The following ANKRD11 variants were observed in gnomAD, a reference collection of about 807,000 sequenced individuals.
ANKRD11 encodes ankyrin repeat domain 11.
A neutral mutation model predicts 195.7 loss-of-function variants in ANKRD11; 17 were observed. The ratio of observed to expected loss-of-function variants is 0.09; its 90% CI spans 0.06 to 0.13. The LOEUF (loss-of-function observed/expected upper bound fraction) is 0.13. Ranked by LOEUF, ANKRD11 falls within the 10% of genes least tolerant of loss-of-function variation. The probability of loss-of-function intolerance (pLI) is 1.00; values close to 1 mark genes in which losing one functional copy is unlikely to be tolerated. For synonymous variants in ANKRD11, 1,953 were observed against 1,528.1 expected (o/e 1.28, Z -6.49); for missense variants, 3,735 against 3,566.1 (o/e 1.05, Z -1.21).
chr16:89,280,320 T>C lies in ANKRD11; in HGVS notation c.6222A>G (p.Glu2074=), dbSNP rs2034085492. The part of the protein sequence containing the change: ...SFFSNCKSLP[E]APLDVAPEPA... ...GCTCGGGGGCCACGTCCAGCGGGGC[T>C]TCCGGAAGTGACTTGCAGTTGCTGA... Residue 2074 remains glutamate (E), a synonymous_variant, in exon 9 of 13, where the codon GAA becomes GAG. Transcript: ENST00000301030. 6.3e-7 allele frequency: 1 copy of C among 1,587,102 alleles called. No individual in the cohort carries two copies. The highest frequency in any genetic ancestry group is 8.6e-7 in the Non-Finnish European group (1 of 1,166,322).
At chr16:89,428,481 G>A (rs2042825162) in intron 1 of ANKRD11, among the ~76,000 whole-genome samples, 1 of 151,968 alleles carries the variant, frequency 6.6e-6, no homozygotes, top group Non-Finnish European at 1.5e-5. Flanking sequence ...AGCCGAGACT[G>A]CGCCCTACAC....
At chr16:89,301,257 G>A in intron 4 of ANKRD11, 1 of 378,722 alleles carries the variant, frequency 2.6e-6, no homozygotes, top group Non-Finnish European at 4.7e-6. Context: ...GAGCCACTGT[G>A]CCTGGCTACT....
chr16:89,327,190 C>A (rs553156184), intron 2 of ANKRD11, among the ~76,000 whole-genome samples: 1 of 152,288 alleles, frequency 6.6e-6, no homozygotes, highest in Non-Finnish European at 1.5e-5. Context: ...GTCAACGTCA[C>A]CCAGCATGCC....
chr16:89,280,112 G>C lies in ANKRD11; in HGVS notation c.6430C>G (p.Gln2144Glu). ...GPFSLPELPL[Q>E]TKDAADGEAE... The stretch of plus-strand genomic sequence containing the variant: ...TCACCATCTGCGGCATCTTTAGTCT[G>C]CAGGGGAAGCTCCGGCAGGGAGAAG... Residue 2144 changes from glutamine (Q) to glutamate (E), a missense_variant, in exon 9 of 13, where the codon CAG (glutamine) becomes GAG (glutamate). By Grantham distance (29) the Gln-to-Glu change is conservative. Transcript: ENST00000301030. The C allele has an allele frequency of 6.2e-7, 1 of 1,612,860 alleles. No homozygotes were observed. Among genetic ancestry groups the C allele is most frequent in the Non-Finnish European group, 8.5e-7 (1 of 1,179,782 alleles).
intron 2 of ANKRD11, among the ~76,000 whole-genome samples, chr16:89,322,037 T>C (rs529385242): frequency 6.6e-6 from 1 of 152,346 alleles, no homozygotes; most frequent in South Asian, 2.1e-4. Flanking sequence ...ACACATAACA[T>C]ACAAAATGTG....
At chr16:89,477,250 T>C (rs910827491) in intron 1 of ANKRD11, among the ~76,000 whole-genome samples, 3 of 151,640 alleles carry the variant, frequency 2.0e-5, no homozygotes, top group Admixed American at 6.6e-5. Flanking sequence ...TGGAGTGCAG[T>C]GGCGCCATCT....
chr16:89,311,838 A>G (rs1389977633), intron 3 of ANKRD11, among the ~76,000 whole-genome samples: 2 of 152,152 alleles, frequency 1.3e-5, no homozygotes, highest in African/African-American at 4.8e-5. Flanking sequence ...TTCTTTCTTA[A>G]AGTGGGAAGT....
chr16:89,282,599 G>C lies in ANKRD11; in HGVS notation c.3943C>G (p.Pro1315Ala), dbSNP rs375535998. The C allele has an allele frequency of 6.2e-7, 1 of 1,614,014 alleles. No homozygotes were observed. Among genetic ancestry groups the C allele is most frequent in the East Asian group, 2.2e-5 (1 of 44,900 alleles). ...SDSFTDRGQE[P>A]GLTAFLEVSF... ...ACCTCCAGGAAGGCAGTCAGCCCCGGCTCCTGCCCTCGGTCCGTGAAGCTG... is the reference window on the plus strand; with the variant it reads ...ACCTCCAGGAAGGCAGTCAGCCCCGCCTCCTGCCCTCGGTCCGTGAAGCTG... The change falls in exon 9 of 13, where the codon CCG (proline) becomes GCG (alanine). Residue 1315 changes from proline (P) to alanine (A), a missense_variant. Physicochemically the swap from Pro to Ala is conservative, Grantham distance 27 (BLOSUM62 -1). Transcript: ENST00000301030.
At chr16:89,437,745 A>ACCTCCCATGCATCC (rs1191350787) in intron 1 of ANKRD11, among the ~76,000 whole-genome samples, 2 of 151,462 alleles carry the variant, frequency 1.3e-5, no homozygotes, top group African/African-American at 4.9e-5. Context: ...TGGCCTCTGC[A>ACCTCCCATGCATCC]CCTCCCATGC....
At chr16:89,340,285 T>C (rs766940373) in intron 2 of ANKRD11, among the ~76,000 whole-genome samples, 1 of 152,244 alleles carries the variant, frequency 6.6e-6, no homozygotes, top group Non-Finnish European at 1.5e-5. Flanking sequence ...ATTTTTGTTG[T>C]TGTTGTTTTT....
At chr16:89,349,086 C>A (rs1334126969) in intron 2 of ANKRD11, among the ~76,000 whole-genome samples, 1 of 133,352 alleles carries the variant, frequency 7.5e-6, no homozygotes, top group Non-Finnish European at 1.5e-5. Context: ...CTAGATGGCA[C>A]CACTGCACTC....
intron 11 of ANKRD11, chr16:89,272,924 A>T (rs1193942467): frequency 6.6e-6 from 1 of 151,972 alleles, no homozygotes; most frequent in Non-Finnish European, 1.5e-5. Context: ...GTTCTCTCTC[A>T]CTTGTGGGAT....
intron 6 of ANKRD11, among the ~76,000 whole-genome samples, chr16:89,289,956 G>T (rs1295872748): frequency 6.6e-6 from 1 of 152,242 alleles, no homozygotes; most frequent in African/African-American, 2.4e-5. Context: ...CTTGAGCCCA[G>T]GAGTTCAAAG....
At chr16:89,286,240 A>C (rs2151769640) in intron 7 of ANKRD11, 54 bp from the exon 8 acceptor site, 1 of 1,602,048 alleles carries the variant, frequency 6.2e-7, no homozygotes, top group South Asian at 1.1e-5. Context: ...CAACTCCTCT[A>C]CCGTTCCGCA....
Position 89,280,280 on chromosome 16 carries a change from C to T in ANKRD11, c.6262G>A (p.Ala2088Thr), listed in dbSNP as rs753691962. 8.4e-5 allele frequency: 135 copies of T among 1,607,290 alleles called. 1 individual carries two copies. The Admixed American group carries it at 1.4e-3, about 17-fold the overall frequency. ...CCCAGAGCCTCCACCTGAGCCACAG[C>T]GGCTACACAGGCGGGCTCGGGGGCC... ...DVAPEPACVA[A>T]VAQVEALGPL... is the part of the protein sequence containing the mutation. The change falls in exon 9 of 13, where the codon GCT becomes ACT. Residue 2088 changes from alanine (A) to threonine (T), a missense_variant. Physicochemically the swap from Ala to Thr is moderately conservative, Grantham distance 58. Transcript: ENST00000301030.
chr16:89,476,187 T>G (rs1163159148), intron 1 of ANKRD11, among the ~76,000 whole-genome samples: 2 of 152,112 alleles, frequency 1.3e-5, no homozygotes, highest in Non-Finnish European at 2.9e-5. Context: ...AAAGCCAATT[T>G]CAGGTATACC....
intron 1 of ANKRD11, among the ~76,000 whole-genome samples, chr16:89,482,865 C>T (rs2057489270): frequency 6.6e-6 from 1 of 152,202 alleles, no homozygotes; most frequent in Admixed American, 6.5e-5. Flanking sequence ...GCACTACAGG[C>T]CGAATGCAGG....
At chr16:89,431,969 G>T (rs979306727) in intron 1 of ANKRD11, among the ~76,000 whole-genome samples, 14 of 151,976 alleles carry the variant, frequency 9.2e-5, no homozygotes, top group Non-Finnish European at 1.8e-4. Flanking sequence ...TATAAATCCT[G>T]TCCATTTCCA....
At chr16:89,421,795 G>A (rs1049277825) in intron 1 of ANKRD11, among the ~76,000 whole-genome samples, 8 of 149,852 alleles carry the variant, frequency 5.3e-5, no homozygotes, top group African/African-American at 7.4e-5. Flanking sequence ...GGGGGTGGGG[G>A]TGAGACACGA....
Sources: allele counts gnomAD v4.1 joint callset (sites outside exome capture counted in the v4.1 genomes callset), GRCh38; gene constraint gnomAD v4.1.1; transcripts MANE v1.5; gene names NCBI Gene and HGNC (gene_info 2026-07-23, HGNC 2026-07-21).